Variants in BRCA2 observed in about 807,000 individuals in gnomAD.
BRCA2 encodes the protein breast cancer type 2 susceptibility protein.
In BRCA2, 203 loss-of-function variants were observed where a neutral mutation model predicts 276.7. That is an observed-to-expected ratio of 0.73 (90% CI 0.65 to 0.82). The LOEUF (loss-of-function observed/expected upper bound fraction) is 0.82, where lower values mean the gene tolerates loss of function less well. BRCA2 is among the 40% of genes least tolerant of loss of function. BRCA2 has a pLI of 0.00. For missense variants in BRCA2, 3,920 were observed against 3,915.0 expected (o/e 1.00, Z -0.03); for synonymous variants, 1,289 against 1,338.4 (o/e 0.96, Z 0.81).
chr13:32,398,068 G>C (rs2137661976), intron 26 of BRCA2, 94 bp from the exon 27 acceptor site: 1 of 1,342,442 alleles, frequency 7.4e-7, no homozygotes, highest in Non-Finnish European at 1.0e-6. Flanking sequence ...TGTAATATTT[G>C]CGTGCTTAAA....
rs142003293 is a variant in BRCA2, at chr13:32,351,338, T to C, written c.7008-3523T>C. Among the ~76,000 whole-genome samples the C allele has an allele frequency of 1.5e-3, 231 of 151,536 alleles. 4 individuals carry two copies. In the East Asian group the frequency reaches 0.028, roughly 19 times the overall value. On this transcript the variant is annotated intron_variant, in intron 13 of 26. Coordinates refer to ENST00000380152, the MANE Select transcript of BRCA2 (RefSeq NM_000059.4). ...AGAGCTGTAACACTCACTGGGAAGG[T>C]CTGCGGCTTCACTCCTGAAGTCAGC...
At position 32,339,010 on chromosome 13, in the gene BRCA2, G is replaced by A. The variant is rs80358696; in HGVS notation, c.4655G>A (p.Gly1552Asp). The A allele has an allele frequency of 6.2e-7, 1 of 1,613,918 alleles. No individual in the cohort carries two copies. The highest frequency in any genetic ancestry group is 8.5e-7 in the Non-Finnish European group (1 of 1,179,934). Residue 1552 changes from glycine to aspartate, a missense_variant, in exon 11 of 27, where the codon GGT becomes GAT. Physicochemically the swap from Gly to Asp is moderately conservative, Grantham distance 94. Around this residue, in one of 2 missense-constraint regions of BRCA2, gnomAD observed 3,263 missense variants for 3,156.9 expected, o/e 1.03. Transcript: ENST00000380152. Reference sequence around the variant, plus strand: ...AACCTTTTTGATGAAAAAGAGCAAGGTACTAGTGAAATCACCAGTTTTAGC... The same window carrying A: ...AACCTTTTTGATGAAAAAGAGCAAGATACTAGTGAAATCACCAGTTTTAGC... ...VKNLFDEKEQ[G>D]TSEITSFSHQ... is the part of the protein sequence containing the mutation.
At chr13:32,358,329 A>C (rs186543892) in intron 16 of BRCA2, among the ~76,000 whole-genome samples, 27 of 151,118 alleles carry the variant, frequency 1.8e-4, no homozygotes, top group Non-Finnish European at 2.8e-4. Flanking sequence ...TACAAGAACT[A>C]TCTGGGCGTG....
At chr13:32,326,341 T>G in intron 6 of BRCA2, 59 bp downstream of exon 6, 1 of 1,563,032 alleles carries the variant, frequency 6.4e-7, no homozygotes, top group East Asian at 2.2e-5. Flanking sequence ...GACAATAGCG[T>G]TATACCTTTG....
rs11571817 is a variant in BRCA2 at position 32,394,459 on chromosome 13, C to T, written c.9257-230C>T. Reference sequence around the variant, plus strand: ...AGCAATGTGTGCGTATACCTGCTTCCACATGACCTCAGTAAAAGAATGTGT... The same window carrying T: ...AGCAATGTGTGCGTATACCTGCTTCTACATGACCTCAGTAAAAGAATGTGT... On this transcript the variant is annotated intron_variant, in intron 24 of 26. Transcript: ENST00000380152. Among the ~76,000 whole-genome samples the T allele has an allele frequency of 8.5e-5, 13 of 152,276 alleles. No individual in the cohort carries two copies. The South Asian group carries it at 2.7e-3, about 32-fold the overall frequency.
intron 24 of BRCA2, among the ~76,000 whole-genome samples, chr13:32,389,823 CT>C (rs2072985149): frequency 6.6e-6 from 1 of 152,194 alleles, no homozygotes; most frequent in Non-Finnish European, 1.5e-5. Flanking sequence ...TCAGTCAGTC[CT>C]GGTCACCTGT....
intron 16 of BRCA2, among the ~76,000 whole-genome samples, chr13:32,359,680 A>G (rs1229495970): frequency 6.6e-6 from 1 of 152,260 alleles, no homozygotes. Flanking sequence ...TATCTTATAT[A>G]ACAAACATCT....
Position 32,399,310 on chromosome 13 carries a change from T to C in BRCA2, c.*540T>C. 5.1e-6 allele frequency: 1 copy of C among 195,588 alleles called. No individual in the cohort carries two copies. Among genetic ancestry groups the C allele is most frequent in the East Asian group, 8.1e-5 (1 of 12,310 alleles). The allele number at this position is 195,588 out of a possible 1,614,324, so 12.1% of individuals were successfully genotyped here. On this transcript the variant is annotated 3_prime_UTR_variant, in exon 27 of 27. Coordinates refer to ENST00000380152, the MANE Select transcript of BRCA2 (RefSeq NM_000059.4). ...TGCAGATAATTCCTTTTAGTTTAGC[T>C]ACTATTTTAGGGGATTTTTTTTAGA...
chr13:32,364,767 G>A (rs2072769339), intron 18 of BRCA2, among the ~76,000 whole-genome samples: 1 of 151,984 alleles, frequency 6.6e-6, no homozygotes, highest in Non-Finnish European at 1.5e-5. Context: ...TTCCATTTCT[G>A]TTTCTTGGAG....
At chr13:32,376,862 G>A (rs2137613993) in intron 21 of BRCA2, 71 bp downstream of exon 21, 1 of 1,578,682 alleles carries the variant, frequency 6.3e-7, no homozygotes, top group Non-Finnish European at 8.6e-7. Context: ...TAGACTCTCT[G>A]GCCATCACAG....
rs1555282943 is a variant in BRCA2 at position 32,337,280 on chromosome 13, C to T, written c.2925C>T (p.Ile975=). 6.2e-7 allele frequency: 1 copy of T among 1,611,928 alleles called. No homozygotes were observed. The highest frequency in any genetic ancestry group is 1.1e-5 in the South Asian group (1 of 90,508). Residue 975 remains isoleucine (I), a synonymous_variant, in exon 11 of 27, where the codon ATC becomes ATT. Coordinates refer to ENST00000380152, the MANE Select transcript of BRCA2 (RefSeq NM_000059.4). The part of the protein sequence containing the change: ...MTLGQDLKSD[I]SLNIDKIPEK... ...TAGGTCAAGATTTAAAATCGGACAT[C>T]TCCTTGAATATAGATAAAATACCAG... is the stretch of plus-strand genomic sequence containing the variant.
chr13:32,339,933 A>G lies in BRCA2; in HGVS notation c.5578A>G (p.Lys1860Glu), dbSNP rs431825332. The change falls in exon 11 of 27, where the codon AAA becomes GAA. Residue 1860 changes from lysine (K) to glutamate (E), a missense_variant. Transcript: ENST00000380152. ...CGTTTGTGTTTCACATGAAACAATTAAAAAAGTGAAAGACATATTTACAGA... is the reference window on the plus strand; with the variant it reads ...CGTTTGTGTTTCACATGAAACAATTGAAAAAGTGAAAGACATATTTACAGA... Reference protein sequence around the residue: ...KIVCVSHETIKKVKDIFTDSF... With the variant: ...KIVCVSHETIEKVKDIFTDSF... 6.2e-7 allele frequency: 1 copy of G among 1,606,360 alleles called. No individual in the cohort carries two copies. Among genetic ancestry groups the G allele is most frequent in the South Asian group, 1.1e-5 (1 of 89,758 alleles).
rs536615182 is a variant in BRCA2, at chr13:32,351,630, G to A, written c.7008-3231G>A. Among the ~76,000 whole-genome samples, 5 of 152,210 alleles carry A rather than the reference G, an allele frequency of 3.3e-5. No individual in the cohort carries two copies. In the South Asian group the frequency reaches 8.3e-4, roughly 25 times the overall value. ...CAGAGCTGAATTTTCATTTTCTGTA[G>A]GGGTACTTCAAGAGAAAAAGTCAAG... On this transcript the variant is annotated intron_variant, in intron 13 of 26. Transcript: ENST00000380152.
chr13:32,379,556 T>C (rs1268166842), intron 22 of BRCA2, 41 bp downstream of exon 22: 7 of 1,592,214 alleles, frequency 4.4e-6, no homozygotes. Context: ...TTTTATTAAC[T>C]TAAAAAATGA....
intron 3 of BRCA2, among the ~76,000 whole-genome samples, chr13:32,319,929 A>G (rs555287005): frequency 6.6e-6 from 1 of 152,244 alleles, no homozygotes; most frequent in Admixed American, 6.5e-5. Context: ...ATAAAAAAGT[A>G]TAATGAGAGT....
chr13:32,327,595 G>A (rs2072359104), intron 7 of BRCA2, among the ~76,000 whole-genome samples: 2 of 151,404 alleles, frequency 1.3e-5, no homozygotes, highest in South Asian at 2.1e-4. Flanking sequence ...GCATGAACCC[G>A]GGAGGCGGAT....
intron 25 of BRCA2, 136 bp from the exon 26 acceptor site, chr13:32,396,762 A>C: frequency 5.6e-6 from 6 of 1,080,170 alleles, no homozygotes; most frequent in Non-Finnish European, 8.3e-6. Context: ...CATGTTTGAC[A>C]ATTGGTATCA....
chr13:32,362,141 G>C (rs1264956275), intron 16 of BRCA2, among the ~76,000 whole-genome samples: 5 of 152,024 alleles, frequency 3.3e-5, no homozygotes, highest in African/African-American at 1.2e-4. Context: ...TCCCACCACA[G>C]CCTCCTAAGT....
At chr13:32,327,898 G>A (rs1449736190) in intron 7 of BRCA2, among the ~76,000 whole-genome samples, 1 of 151,348 alleles carries the variant, frequency 6.6e-6, no homozygotes, top group Non-Finnish European at 1.5e-5. Context: ...AGCCTTCCAA[G>A]TATCTGGGAC....
Sources: allele counts gnomAD v4.1 joint callset (sites outside exome capture counted in the v4.1 genomes callset), GRCh38; gene constraint gnomAD v4.1.1; regional missense constraint gnomAD v4.1.1; transcripts MANE v1.5; gene names NCBI Gene and HGNC (gene_info 2026-07-23, HGNC 2026-07-21).